The following DSCAM variants were observed in gnomAD, a reference collection of about 807,000 sequenced individuals.
The protein encoded by DSCAM is DS cell adhesion molecule.
DSCAM carries 47 observed loss-of-function variants against 217.7 expected under a neutral mutation model. That is an observed-to-expected ratio of 0.22 (90% CI 0.17 to 0.28). The LOEUF (loss-of-function observed/expected upper bound fraction) is 0.28. Among genes scored for constraint, DSCAM ranks in the 10% least tolerant of loss-of-function variants. DSCAM has a pLI of 1.00. For synonymous variants in DSCAM, 1,056 were observed against 1,015.3 expected, an observed-to-expected ratio of 1.04 and a Z score of -0.76; for missense variants, 2,080 against 2,618.3, an observed-to-expected ratio of 0.79 and a Z score of 4.49.
intron 8 of DSCAM, among the ~76,000 whole-genome samples, chr21:40,313,296 T>G (rs759085580): frequency 3.3e-5 from 5 of 152,164 alleles, no homozygotes; most frequent in African/African-American, 7.2e-5. Flanking sequence ...AATTGTGAAC[T>G]GGTCCGTGGC....
chr21:40,203,502 C>G (rs958218604), intron 11 of DSCAM, among the ~76,000 whole-genome samples: 5 of 152,188 alleles, frequency 3.3e-5, no homozygotes, highest in African/African-American at 1.2e-4. Flanking sequence ...TTTCTAGTAC[C>G]CTGCGTGCAT....
intron 3 of DSCAM, among the ~76,000 whole-genome samples, chr21:40,437,707 C>G (rs2075595589): frequency 6.6e-6 from 1 of 151,996 alleles, no homozygotes; most frequent in Non-Finnish European, 1.5e-5. Context: ...AAAAATTAGC[C>G]AGGCGTGGTG....
intron 3 of DSCAM, among the ~76,000 whole-genome samples, chr21:40,461,946 G>A (rs934094114): frequency 1.3e-5 from 2 of 152,192 alleles, no homozygotes; most frequent in Admixed American, 6.5e-5. Context: ...ACCACTGAGA[G>A]CATTTAACGC....
At chr21:40,770,675 T>C (rs2123385277) in intron 1 of DSCAM, among the ~76,000 whole-genome samples, 1 of 152,246 alleles carries the variant, frequency 6.6e-6, no homozygotes, top group Non-Finnish European at 1.5e-5. Context: ...GTGTGAAAAC[T>C]CACTTAATTG....
At chr21:40,582,844 C>T (rs958010636) in intron 3 of DSCAM, among the ~76,000 whole-genome samples, 3 of 152,094 alleles carry the variant, frequency 2.0e-5, no homozygotes, top group African/African-American at 7.2e-5. Flanking sequence ...TCCCCTGGGC[C>T]AGATGGAGCA....
At chr21:40,013,960 G>A (rs1412809811) in intron 32 of DSCAM, among the ~76,000 whole-genome samples, 2 of 152,226 alleles carry the variant, frequency 1.3e-5, no homozygotes, top group African/African-American at 4.8e-5. Context: ...TAACTTCTGC[G>A]TGGCTCTTCT....
At chr21:40,339,039 C>A (rs2074458749) in intron 7 of DSCAM, 80 bp downstream of exon 7, 1 of 1,543,698 alleles carries the variant, frequency 6.5e-7, no homozygotes, top group Non-Finnish European at 8.8e-7. Flanking sequence ...TTCCAAGACC[C>A]AGCTCGGTGC....
chr21:40,320,426 T>C (rs2074246948), intron 8 of DSCAM, among the ~76,000 whole-genome samples: 3 of 119,532 alleles, frequency 2.5e-5, no homozygotes, highest in Non-Finnish European at 5.4e-5. Flanking sequence ...ATTAGAATTG[T>C]ATCACACAAT....
At chr21:40,315,254 A>G (rs78707227) in intron 8 of DSCAM, among the ~76,000 whole-genome samples, 1 of 150,808 alleles carries the variant, frequency 6.6e-6, no homozygotes, top group Admixed American at 6.6e-5. Context: ...AAAAAAAAAA[A>G]TTAGCCAGGC....
At chr21:40,493,126 C>A (rs955998501) in intron 3 of DSCAM, among the ~76,000 whole-genome samples, 4 of 152,198 alleles carry the variant, frequency 2.6e-5, no homozygotes, top group Non-Finnish European at 5.9e-5. Context: ...CAAACCTGTC[C>A]TTCAGAAAAG....
At chr21:40,405,388 G>T (rs73214893) in intron 3 of DSCAM, among the ~76,000 whole-genome samples, 1 of 152,174 alleles carries the variant, frequency 6.6e-6, no homozygotes. Flanking sequence ...GTAAGCATTA[G>T]TGATATATGC....
rs367787286 is a variant in DSCAM at position 40,686,903 on chromosome 21, A to G, written c.508+5907T>C. On this transcript the variant is annotated intron_variant, in intron 3 of 32. Coordinates refer to ENST00000400454, the MANE Select transcript of DSCAM (RefSeq NM_001389.5). ...TTAGTGAGCGATAGACTTAAATGGA[A>G]AAAGTATAACATAATTAATGATTTT... Among the ~76,000 whole-genome samples, 96 of 152,338 alleles carry G rather than the reference A, an allele frequency of 6.3e-4. No individual in the cohort carries two copies. The Middle Eastern group carries it at 0.01, about 16-fold the overall frequency.
chr21:40,394,941 T>C (rs1386326742), intron 3 of DSCAM, among the ~76,000 whole-genome samples: 1 of 152,206 alleles, frequency 6.6e-6, no homozygotes, highest in Non-Finnish European at 1.5e-5. Flanking sequence ...TGTTAAATAT[T>C]TCCCAAGGGA....
At chr21:40,477,142 A>G (rs2075943735) in intron 3 of DSCAM, among the ~76,000 whole-genome samples, 1 of 152,188 alleles carries the variant, frequency 6.6e-6, no homozygotes, top group Admixed American at 6.5e-5. Context: ...GTTTTAATTT[A>G]AAAAGAAATT....
At chr21:40,343,688 T>C (rs765346929) in intron 6 of DSCAM, among the ~76,000 whole-genome samples, 7 of 151,920 alleles carry the variant, frequency 4.6e-5, no homozygotes, top group Non-Finnish European at 8.8e-5. Context: ...TGTGTGTGTA[T>C]ATGTTTTAAA....
chr21:40,349,365 CAG>C (rs1409107252), intron 5 of DSCAM, among the ~76,000 whole-genome samples: 1 of 151,428 alleles, frequency 6.6e-6, no homozygotes, highest in Non-Finnish European at 1.5e-5. Flanking sequence ...GACCACGAAA[CAG>C]AGTTTTTCTT....
chr21:40,693,059 C>A (rs987254021), intron 2 of DSCAM, 103 bp from the exon 3 acceptor site: 1 of 1,283,510 alleles, frequency 7.8e-7, no homozygotes, highest in South Asian at 2.0e-5. Flanking sequence ...ACATCAATTG[C>A]ATAACATATC....
intron 3 of DSCAM, among the ~76,000 whole-genome samples, chr21:40,375,077 T>TA (rs944382820): frequency 1.3e-5 from 2 of 152,002 alleles, no homozygotes; most frequent in South Asian, 2.1e-4. Context: ...TATCTGAGTA[T>TA]AAAAAAAATA....
chr21:40,300,549 G>C (rs1376104709), intron 9 of DSCAM, among the ~76,000 whole-genome samples: 1 of 152,156 alleles, frequency 6.6e-6, no homozygotes, highest in Non-Finnish European at 1.5e-5. Context: ...CCCTCTCTTT[G>C]CTGTCTCAGG....
Sources: gnomAD v4.1 joint callset for allele counts (sites outside exome capture counted in the v4.1 genomes callset) on GRCh38, gnomAD v4.1.1 for gene constraint, MANE v1.5 for transcripts, NCBI Gene and HGNC (gene_info 2026-07-23, HGNC 2026-07-21) for gene names.